CAMTA1: variants seen among roughly 807,000 people sequenced by gnomAD.
CAMTA1 encodes calmodulin-binding transcription activator 1.
Under a neutral mutation model 170.9 loss-of-function variants are expected in CAMTA1, and 27 were observed. That is an observed-to-expected ratio of 0.16 (90% confidence interval 0.12 to 0.22). The LOEUF (loss-of-function observed/expected upper bound fraction) is 0.22, where lower values mean the gene tolerates loss of function less well. Among genes scored for constraint, CAMTA1 ranks in the 10% least tolerant of loss-of-function variants. CAMTA1 has a pLI of 1.00. For synonymous variants in CAMTA1, 833 were observed against 891.5 expected (o/e 0.93, Z 1.17); for missense variants, 1,619 against 2,217.2 (o/e 0.73, Z 5.42).
Position 7,114,033 on chromosome 1 carries a change from C to T in CAMTA1, c.302+22662C>T, listed in dbSNP as rs148231970. 3.0e-4 allele frequency among the ~76,000 whole-genome samples: 45 copies of T among 152,304 alleles called. No individual in the cohort carries two copies. In the East Asian group the frequency reaches 5.0e-3, roughly 17 times the overall value. Reference sequence around the variant, plus strand: ...TGCTGTAACCCACGAGCCTGCTGCACGCAGGGCCCACCCCCCATCCTCTCT... The same window carrying T: ...TGCTGTAACCCACGAGCCTGCTGCATGCAGGGCCCACCCCCCATCCTCTCT... On this transcript the variant is annotated intron_variant, in intron 4 of 22. Coordinates refer to ENST00000303635, the MANE Select transcript of CAMTA1 (RefSeq NM_015215.4).
chr1:7,708,415 T>C (rs1033575043), intron 11 of CAMTA1, among the ~76,000 whole-genome samples: 2 of 152,104 alleles, frequency 1.3e-5, no homozygotes, highest in African/African-American at 4.8e-5. Flanking sequence ...GAAGGATTGC[T>C]TGAGCCCAGG....
chr1:6,811,590 C>A (rs1159060244), intron 1 of CAMTA1, among the ~76,000 whole-genome samples: 1 of 152,146 alleles, frequency 6.6e-6, no homozygotes, highest in Non-Finnish European at 1.5e-5. Context: ...TGCTTCTGAT[C>A]TCTGGGCTTG....
At chr1:7,126,192 G>A (rs1644923378) in intron 4 of CAMTA1, among the ~76,000 whole-genome samples, 1 of 152,128 alleles carries the variant, frequency 6.6e-6, no homozygotes, top group Non-Finnish European at 1.5e-5. Context: ...ACAACACTGG[G>A]GAATGATGGG....
At chr1:6,905,551 C>T (rs145263698) in intron 3 of CAMTA1, among the ~76,000 whole-genome samples, 48 of 152,188 alleles carry the variant, frequency 3.2e-4, no homozygotes, top group Non-Finnish European at 6.0e-4. Flanking sequence ...CCACCAGCCC[C>T]GCTTCCCTCT....
At chr1:6,991,207 A>G (rs1696318966) in intron 3 of CAMTA1, among the ~76,000 whole-genome samples, 1 of 152,074 alleles carries the variant, frequency 6.6e-6, no homozygotes, top group African/African-American at 2.4e-5. Context: ...AATATTTTGT[A>G]CAAGTCTTTT....
chr1:7,277,569 C>T (rs1186701922), intron 5 of CAMTA1, among the ~76,000 whole-genome samples: 3 of 151,816 alleles, frequency 2.0e-5, no homozygotes, highest in Non-Finnish European at 4.4e-5. Context: ...CCCAAGAAGG[C>T]CCTCCATGGC....
chr1:7,188,920 C>G (rs1173553891), intron 4 of CAMTA1, among the ~76,000 whole-genome samples: 1 of 152,236 alleles, frequency 6.6e-6, no homozygotes, highest in Non-Finnish European at 1.5e-5. Flanking sequence ...ATTGTACCTT[C>G]TCACCAGCAA....
intron 6 of CAMTA1, among the ~76,000 whole-genome samples, chr1:7,490,719 C>T (rs1016442629): frequency 2.0e-5 from 3 of 152,084 alleles, no homozygotes; most frequent in Admixed American, 2.0e-4. Flanking sequence ...GGCCTTGGCA[C>T]CCAGCCACCG....
At chr1:7,130,135 C>T (rs1407112761) in intron 4 of CAMTA1, among the ~76,000 whole-genome samples, 1 of 152,120 alleles carries the variant, frequency 6.6e-6, no homozygotes, top group East Asian at 1.9e-4. Flanking sequence ...GACGGGGTTT[C>T]ACCATGTTGG....
intron 11 of CAMTA1, among the ~76,000 whole-genome samples, chr1:7,696,397 TA>T (rs1235489739): frequency 1.3e-5 from 2 of 152,082 alleles, no homozygotes; most frequent in African/African-American, 2.4e-5. Context: ...GGTTTCACTA[TA>T]TTGGCCAGGC....
intron 3 of CAMTA1, among the ~76,000 whole-genome samples, chr1:6,925,512 G>A (rs565143590): frequency 4.6e-5 from 7 of 152,144 alleles, no homozygotes; most frequent in South Asian, 4.1e-4. Context: ...GGCTGTGCTC[G>A]ATCTTTCCAA....
chr1:6,868,799 T>G (rs1234897079), intron 3 of CAMTA1, among the ~76,000 whole-genome samples: 3 of 152,240 alleles, frequency 2.0e-5, no homozygotes, highest in Non-Finnish European at 4.4e-5. Context: ...TTGATGGACT[T>G]GTGAAAGTGA....
In CAMTA1 at chr1:7,664,692, T is replaced by A; in HGVS notation, c.2145T>A (p.Ser715=). ...LKSGELQACS[S]EHYLQPETNG... ...CTGGGGAGCTGCAGGCTTGCAGCTC[T>A]GAGCACTACCTGCAGCCGGAGACCA... The change falls in exon 9 of 23, where the codon TCT becomes TCA. Residue 715 remains serine, a synonymous_variant. Coordinates refer to ENST00000303635, the MANE Select transcript of CAMTA1 (RefSeq NM_015215.4). The A allele has an allele frequency of 1.2e-6, 2 of 1,608,036 alleles. No individual in the cohort carries two copies. Among genetic ancestry groups the A allele is most frequent in the Non-Finnish European group, 1.7e-6 (2 of 1,175,932 alleles).
chr1:7,606,624 A>G (rs1424656187), intron 6 of CAMTA1, among the ~76,000 whole-genome samples: 1 of 152,198 alleles, frequency 6.6e-6, no homozygotes, highest in Non-Finnish European at 1.5e-5. Flanking sequence ...CTGCATCGAA[A>G]AGCACCAGAC....
chr1:7,290,235 C>G (rs915406402), intron 5 of CAMTA1, among the ~76,000 whole-genome samples: 1 of 152,200 alleles, frequency 6.6e-6, no homozygotes. Flanking sequence ...GGTGAGGAAA[C>G]TCGGTTCTGC....
chr1:7,587,419 T>C (rs1364729525), intron 6 of CAMTA1, among the ~76,000 whole-genome samples: 1 of 152,126 alleles, frequency 6.6e-6, no homozygotes, highest in East Asian at 1.9e-4. Context: ...GCGTCTGCGG[T>C]GAGTCGGCAG....
intron 11 of CAMTA1, among the ~76,000 whole-genome samples, chr1:7,705,301 TG>T (rs1403492498): frequency 6.9e-6 from 1 of 144,374 alleles, no homozygotes; most frequent in Non-Finnish European, 1.5e-5. Context: ...GCCGCGAGGG[TG>T]TGTCGACGCC....
chr1:7,404,675 G>T (rs145690987), intron 5 of CAMTA1, among the ~76,000 whole-genome samples: 3 of 152,260 alleles, frequency 2.0e-5, no homozygotes, highest in East Asian at 3.9e-4. Context: ...CCTGCTGAGG[G>T]CTTCCTATAG....
chr1:7,324,488 A>G (rs892348172), intron 5 of CAMTA1, among the ~76,000 whole-genome samples: 1 of 152,108 alleles, frequency 6.6e-6, no homozygotes, highest in Non-Finnish European at 1.5e-5. Flanking sequence ...TTTTTTCCAT[A>G]TAGCACTTTC....
Sources: gnomAD v4.1 joint callset for allele counts (sites outside exome capture counted in the v4.1 genomes callset) on GRCh38, gnomAD v4.1.1 for gene constraint, MANE v1.5 for transcripts, NCBI Gene and HGNC (gene_info 2026-07-23, HGNC 2026-07-21) for gene names.